The following CNTNAP2 variants were observed in gnomAD, a reference collection of about 807,000 sequenced individuals.
CNTNAP2 encodes contactin associated protein 2.
A neutral mutation model predicts 155.2 loss-of-function variants in CNTNAP2; 98 were observed. The observed-to-expected ratio is 0.63, with a 90% CI of 0.54 to 0.75. CNTNAP2 has a LOEUF of 0.75. Among genes scored for constraint, CNTNAP2 ranks in the 30% least tolerant of loss-of-function variants. The pLI is 0.00. For synonymous variants in CNTNAP2, 651 were observed against 631.2 expected (o/e 1.03, Z -0.47); for missense variants, 1,727 against 1,688.1 (o/e 1.02, Z -0.40).
At chr7:148,019,994 A>G (rs1244887133) in intron 15 of CNTNAP2, among the ~76,000 whole-genome samples, 1 of 152,134 alleles carries the variant, frequency 6.6e-6, no homozygotes, top group Non-Finnish European at 1.5e-5. Context: ...CATGTTGGTC[A>G]GTCTGTTTTT....
chr7:147,674,065 A>G (rs1795829764), intron 13 of CNTNAP2, among the ~76,000 whole-genome samples: 1 of 152,140 alleles, frequency 6.6e-6, no homozygotes, highest in Admixed American at 6.5e-5. Context: ...CATTGTAGCT[A>G]TGACCGTGAC....
chr7:146,756,262 T>A (rs1449341329), intron 1 of CNTNAP2, among the ~76,000 whole-genome samples: 2 of 152,020 alleles, frequency 1.3e-5, no homozygotes, highest in Non-Finnish European at 2.9e-5. Context: ...TGGTTAACTC[T>A]AATTTGTTTA....
intron 13 of CNTNAP2, among the ~76,000 whole-genome samples, chr7:147,790,005 G>A (rs1797795215): frequency 6.6e-6 from 1 of 152,132 alleles, no homozygotes; most frequent in Non-Finnish European, 1.5e-5. Context: ...GTGATTGTGT[G>A]AGTCAATACT....
intron 11 of CNTNAP2, among the ~76,000 whole-genome samples, chr7:147,489,869 C>A (rs577013105): frequency 2.1e-4 from 32 of 152,292 alleles, no homozygotes; most frequent in African/African-American, 7.5e-4. Flanking sequence ...CCCGCCTTGG[C>A]CTCCCAAAGT....
chr7:147,672,665 G>T (rs1228029771), intron 13 of CNTNAP2: 2 of 152,146 alleles, frequency 1.3e-5, no homozygotes, highest in African/African-American at 4.8e-5. Context: ...TCCCATTTTA[G>T]ATGCTCTTCA....
chr7:147,854,515 G>A (rs1294114881), intron 13 of CNTNAP2, among the ~76,000 whole-genome samples: 1 of 152,054 alleles, frequency 6.6e-6, no homozygotes, highest in Non-Finnish European at 1.5e-5. Context: ...AGTCATTACA[G>A]TATCAACTGC....
intron 10 of CNTNAP2, among the ~76,000 whole-genome samples, chr7:147,434,441 T>G (rs962676139): frequency 3.3e-5 from 5 of 152,230 alleles, no homozygotes; most frequent in Admixed American, 1.3e-4. Context: ...CTATTTCATT[T>G]TACTGTTTGA....
At chr7:146,542,684 G>T (rs2129141288) in intron 1 of CNTNAP2, among the ~76,000 whole-genome samples, 1 of 151,972 alleles carries the variant, frequency 6.6e-6, no homozygotes, top group East Asian at 1.9e-4. Flanking sequence ...GTTGCTCTTA[G>T]CTGGAAGGCT....
chr7:147,802,105 G>A (rs1421567016), intron 13 of CNTNAP2, among the ~76,000 whole-genome samples: 1 of 146,974 alleles, frequency 6.8e-6, no homozygotes, highest in East Asian at 2.0e-4. Flanking sequence ...CAGACGGGGC[G>A]GCCGGGCAGA....
intron 1 of CNTNAP2, among the ~76,000 whole-genome samples, chr7:146,687,399 T>A (rs1800619056): frequency 6.6e-6 from 1 of 152,148 alleles, no homozygotes; most frequent in Admixed American, 6.6e-5. Context: ...AATGAGATAG[T>A]ACATGGACAA....
intron 14 of CNTNAP2, among the ~76,000 whole-genome samples, chr7:147,956,910 G>A (rs370070172): frequency 6.6e-6 from 1 of 152,176 alleles, no homozygotes; most frequent in Non-Finnish European, 1.5e-5. Flanking sequence ...TGATAGGGTT[G>A]TCCTGCAGGT....
intron 10 of CNTNAP2, among the ~76,000 whole-genome samples, chr7:147,436,849 C>T (rs1797556648): frequency 6.6e-6 from 1 of 152,112 alleles, no homozygotes; most frequent in Non-Finnish European, 1.5e-5. Flanking sequence ...CCCTTTAATG[C>T]TTTTATTTCA....
At chr7:147,746,958 C>G (rs1797053665) in intron 13 of CNTNAP2, among the ~76,000 whole-genome samples, 1 of 152,188 alleles carries the variant, frequency 6.6e-6, no homozygotes, top group African/African-American at 2.4e-5. Flanking sequence ...TTAGTTTCCA[C>G]CTCAGGCCCT....
At chr7:147,093,997 C>G (rs953305017) in intron 4 of CNTNAP2, among the ~76,000 whole-genome samples, 7 of 152,190 alleles carry the variant, frequency 4.6e-5, no homozygotes, top group Admixed American at 1.3e-4. Flanking sequence ...AGCCCCACCT[C>G]CATGGTGGCT....
At chr7:146,234,302 T>G (rs1488774487) in intron 1 of CNTNAP2, among the ~76,000 whole-genome samples, 1 of 152,230 alleles carries the variant, frequency 6.6e-6, no homozygotes, top group Non-Finnish European at 1.5e-5. Flanking sequence ...CGCCCACTTT[T>G]TGATGGGGTT....
intron 22 of CNTNAP2, among the ~76,000 whole-genome samples, chr7:148,385,054 G>A (rs1291712574): frequency 6.6e-6 from 1 of 152,092 alleles, no homozygotes; most frequent in Admixed American, 6.5e-5. Flanking sequence ...TCTAAACCTC[G>A]TGCATTTGAT....
intron 3 of CNTNAP2, among the ~76,000 whole-genome samples, chr7:146,872,162 A>ATTTTTTTTTTTTTTTTTT (rs144291754): frequency 1.8e-5 from 2 of 111,532 alleles, no homozygotes; most frequent in Non-Finnish European, 1.8e-5. Flanking sequence ...AAATTATTGA[A>ATTTTTTTTTTTTTTTTTT]TTTTTTTTTT....
At chr7:147,936,372 G>A (rs1421548390) in intron 14 of CNTNAP2, among the ~76,000 whole-genome samples, 1 of 150,486 alleles carries the variant, frequency 6.6e-6, no homozygotes, top group Non-Finnish European at 1.5e-5. Flanking sequence ...AGTGAATATT[G>A]CTAGAAGTGG....
chr7:146,552,603 C>T (rs1389639828), intron 1 of CNTNAP2, among the ~76,000 whole-genome samples: 1 of 151,998 alleles, frequency 6.6e-6, no homozygotes, highest in Non-Finnish European at 1.5e-5. Flanking sequence ...CCTCCTCTAA[C>T]GACTTTCCTT....
Sources: gnomAD v4.1 joint callset for allele counts (sites outside exome capture counted in the v4.1 genomes callset) on GRCh38, gnomAD v4.1.1 for gene constraint, MANE v1.5 for transcripts, NCBI Gene and HGNC (gene_info 2026-07-23, HGNC 2026-07-21) for gene names.